RALGAPB: variants seen among roughly 807,000 people sequenced by gnomAD.
RALGAPB encodes the protein Ral GTPase activating protein non-catalytic subunit beta.
RALGAPB carries 25 observed loss-of-function variants against 161.1 expected under a neutral mutation model. The observed-to-expected ratio is 0.16, with a 90% CI of 0.11 to 0.22. The LOEUF is 0.22. RALGAPB is among the 10% of genes least tolerant of loss of function. RALGAPB has a pLI of 1.00. For synonymous variants in RALGAPB, 629 were observed against 626.1 expected, an observed-to-expected ratio of 1.00 and a Z score of -0.07; for missense variants, 1,391 against 1,815.2, an observed-to-expected ratio of 0.77 and a Z score of 4.25.
chr20:38,540,311 G>A (rs1191549873), intron 17 of RALGAPB, among the ~76,000 whole-genome samples: 1 of 152,190 alleles, frequency 6.6e-6, no homozygotes, highest in Non-Finnish European at 1.5e-5. Flanking sequence ...TTGCCAGGCT[G>A]CAAACCTAGA....
At chr20:38,524,652 G>A (rs1315260025) in intron 10 of RALGAPB, 126 bp from the exon 11 acceptor site, 1 of 711,130 alleles carries the variant, frequency 1.4e-6, no homozygotes. Flanking sequence ...TTCCAATAAT[G>A]TCCTTTCTTT....
In RALGAPB at chr20:38,574,636, A is replaced by G. The variant is rs199824102; in HGVS notation, c.4292-138A>G. 2.0e-4 allele frequency: 167 copies of G among 832,118 alleles called. No individual in the cohort carries two copies. The East Asian group carries it at 2.3e-3, about 11-fold the overall frequency. 51.5% of individuals were successfully genotyped at this position (832,118 alleles called of 1,614,324 possible). ...ACAGTTTTATCTTAGCACTATGTCTATCTCTCTGGGGATGGGAAGTTTGCA... is the reference window on the plus strand; with the variant it reads ...ACAGTTTTATCTTAGCACTATGTCTGTCTCTCTGGGGATGGGAAGTTTGCA... On this transcript the variant is annotated intron_variant, in intron 29 of 29. Coordinates refer to ENST00000262879, the MANE Select transcript of RALGAPB (RefSeq NM_020336.4).
At chr20:38,511,164 A>T (rs2085936480) in intron 6 of RALGAPB, among the ~76,000 whole-genome samples, 1 of 152,192 alleles carries the variant, frequency 6.6e-6, no homozygotes, top group African/African-American at 2.4e-5. Flanking sequence ...ATATTCCATT[A>T]GCCACAACTC....
chr20:38,502,451 G>A (rs142256853), intron 5 of RALGAPB, among the ~76,000 whole-genome samples: 136 of 152,316 alleles, frequency 8.9e-4, no homozygotes, highest in African/African-American at 2.9e-3. Flanking sequence ...TGCTTGATAC[G>A]TTCTGTTGTT....
rs1260075427 is a variant in RALGAPB, at chr20:38,577,664, C to G, written c.*2697C>G. The G allele has an allele frequency of 6.6e-6, 1 of 152,196 alleles. No individual in the cohort carries two copies. Among genetic ancestry groups the G allele is most frequent in the Non-Finnish European group, 1.5e-5 (1 of 68,472 alleles). The allele number at this position is 152,196 out of a possible 1,614,324, so 9.4% of individuals were successfully genotyped here. ...GTCTAGGGCTTCCTCTTGAGACCCT[C>G]TTCCATCCATTGGGCCTTTGAAAGG... On this transcript the variant is annotated 3_prime_UTR_variant, in exon 30 of 30. Transcript: ENST00000262879.
intron 5 of RALGAPB, among the ~76,000 whole-genome samples, chr20:38,503,870 A>T (rs943590269): frequency 1.3e-5 from 2 of 152,188 alleles, no homozygotes; most frequent in Non-Finnish European, 2.9e-5. Flanking sequence ...CACCTTCCTG[A>T]TCAGTCTGCA....
intron 3 of RALGAPB, among the ~76,000 whole-genome samples, chr20:38,494,551 A>C (rs1245999047): frequency 1.3e-5 from 2 of 152,188 alleles, no homozygotes. Context: ...GAATCGCTTG[A>C]ATCTGGGAGG....
intron 17 of RALGAPB, 31 bp from the exon 18 acceptor site, chr20:38,541,008 TTC>T (rs1362127612): frequency 4.4e-6 from 7 of 1,606,344 alleles, no homozygotes; most frequent in Admixed American, 1.7e-5. Flanking sequence ...GAAAGGTGTG[TTC>T]TAAAAATTGA....
chr20:38,543,916 A>T (rs2087063409), intron 18 of RALGAPB, among the ~76,000 whole-genome samples: 1 of 152,096 alleles, frequency 6.6e-6, no homozygotes, highest in African/African-American at 2.4e-5. Flanking sequence ...GTTACATGTG[A>T]TCCGTGCTAG....
At chr20:38,519,088 A>G (rs2086215863) in intron 9 of RALGAPB, among the ~76,000 whole-genome samples, 1 of 152,222 alleles carries the variant, frequency 6.6e-6, no homozygotes, top group African/African-American at 2.4e-5. Flanking sequence ...TTGTGAATAT[A>G]AAGATTTTTG....
intron 18 of RALGAPB, among the ~76,000 whole-genome samples, chr20:38,545,393 A>G (rs1470777880): frequency 2.6e-5 from 4 of 152,186 alleles, no homozygotes; most frequent in Admixed American, 6.5e-5. Context: ...TCAGATAGGT[A>G]CCATTATTCC....
Position 38,549,563 on chromosome 20 carries a change from T to TAC in RALGAPB, c.3009+782_3009+783dup, listed in dbSNP as rs1227027300. ...AAAAAAAAAAAAATATATATATATA[T>TAC]ACACACACACACACATACATATACA... On this transcript the variant is annotated intron_variant, in intron 20 of 29. Coordinates refer to ENST00000262879, the MANE Select transcript of RALGAPB (RefSeq NM_020336.4). Among the ~76,000 whole-genome samples, 157 of 115,334 alleles carry TAC rather than the reference T, an allele frequency of 1.4e-3. 1 individual carries two copies. The highest frequency in any genetic ancestry group is 3.7e-3 in the South Asian group (11 of 3,012). The allele number at this position is 115,334 out of a possible 152,430, so 75.7% of individuals were successfully genotyped here. A position where few individuals can be genotyped will look rare whatever the true frequency, so the allele number is the denominator to read the frequency against.
chr20:38,525,846 A>G (rs1281751285), intron 12 of RALGAPB, 49 bp from the exon 13 acceptor site: 4 of 1,584,104 alleles, frequency 2.5e-6, no homozygotes, highest in Non-Finnish European at 8.6e-7. Context: ...CCACATGGGC[A>G]TCATAAGCTG....
Position 38,577,345 on chromosome 20 carries a change from T to C in RALGAPB, c.*2378T>C, listed in dbSNP as rs868851087. 1.3e-5 allele frequency: 2 copies of C among 152,330 alleles called. No individual in the cohort carries two copies. Among genetic ancestry groups the C allele is most frequent in the South Asian group, 2.1e-4 (1 of 4,824 alleles). The allele number at this position is 152,330 out of a possible 1,614,324, so 9.4% of individuals were successfully genotyped here. On this transcript the variant is annotated 3_prime_UTR_variant, in exon 30 of 30. Coordinates refer to ENST00000262879, the MANE Select transcript of RALGAPB (RefSeq NM_020336.4). ...GAACATATTTAGCACCTAATATTAA[T>C]ATTTAGTAGTCCATTGATAAATTTG...
At chr20:38,550,226 A>C (rs1260650379) in intron 20 of RALGAPB, among the ~76,000 whole-genome samples, 1 of 152,212 alleles carries the variant, frequency 6.6e-6, no homozygotes, top group African/African-American at 2.4e-5. Context: ...GCGCACCAGC[A>C]TGTCACATGT....
At chr20:38,518,750 T>G (rs575674165) in intron 9 of RALGAPB, among the ~76,000 whole-genome samples, 1 of 152,328 alleles carries the variant, frequency 6.6e-6, no homozygotes, top group African/African-American at 2.4e-5. Context: ...TTTATTGAGC[T>G]GCTGTTACTA....
chr20:38,509,961 C>G (rs947997891), intron 6 of RALGAPB, among the ~76,000 whole-genome samples: 1 of 152,042 alleles, frequency 6.6e-6, no homozygotes, highest in African/African-American at 2.4e-5. Flanking sequence ...TTTCAGCTGT[C>G]AGTGATCTTA....
chr20:38,541,275 T>C, intron 18 of RALGAPB, 83 bp downstream of exon 18: 1 of 1,338,234 alleles, frequency 7.5e-7, no homozygotes, highest in Non-Finnish European at 1.0e-6. Context: ...TCCTTCCTGA[T>C]TGTTCAGCAT....
At chr20:38,531,547 GA>G (rs2123188168) in intron 14 of RALGAPB, among the ~76,000 whole-genome samples, 1 of 152,224 alleles carries the variant, frequency 6.6e-6, no homozygotes, top group East Asian at 1.9e-4. Flanking sequence ...AATAACCTAG[GA>G]AAAGCCCTAG....
Sources: gnomAD v4.1 joint callset for allele counts (sites outside exome capture counted in the v4.1 genomes callset) on GRCh38, gnomAD v4.1.1 for gene constraint, MANE v1.5 for transcripts, NCBI Gene and HGNC (gene_info 2026-07-23, HGNC 2026-07-21) for gene names.